Variants in ZAP70 observed in about 807,000 individuals in gnomAD.
ZAP70 encodes zeta chain of T cell receptor associated protein kinase 70.
In ZAP70, 27 loss-of-function variants were observed where a neutral mutation model predicts 65.8. That is an observed-to-expected ratio of 0.41 (90% CI 0.30 to 0.57). The LOEUF (loss-of-function observed/expected upper bound fraction) is 0.57. ZAP70 is among the 20% of genes least tolerant of loss of function. ZAP70 has a pLI of 0.28. For missense variants in ZAP70, 696 were observed against 870.5 expected (o/e 0.80, Z 2.52); for synonymous variants, 363 against 360.8 (o/e 1.01, Z -0.07).
chr2:97,756,215 A>C, the ZAP70 span: 2 of 152,242 alleles, frequency 1.3e-5, no homozygotes, highest in Non-Finnish European at 2.9e-5. Context: ...AGCAATGAGA[A>C]GGCAAACCCC....
chr2:97,732,804 T>G, intron 4 of ZAP70, 79 bp from the exon 5 acceptor site: 1 of 1,590,600 alleles, frequency 6.3e-7, no homozygotes, highest in Admixed American at 1.7e-5. Flanking sequence ...GCCCATAGGG[T>G]GTGTTGCGGG....
chr2:97,734,828 C>A, intron 9 of ZAP70, 116 bp downstream of exon 9: 2 of 1,408,242 alleles, frequency 1.4e-6, no homozygotes, highest in Non-Finnish European at 2.0e-6. Flanking sequence ...GCCTGGGAAA[C>A]AGACTCTGGG....
At chr2:97,730,656 C>A (rs1033520310) in intron 4 of ZAP70, among the ~76,000 whole-genome samples, 2 of 152,176 alleles carry the variant, frequency 1.3e-5, no homozygotes, top group African/African-American at 4.8e-5. Context: ...GAGGCCCCAC[C>A]TATTGATGGG....
the ZAP70 span, among the ~76,000 whole-genome samples, chr2:97,745,243 T>C: frequency 1.3e-5 from 2 of 152,234 alleles, no homozygotes; most frequent in African/African-American, 4.8e-5. Context: ...TTCACCATGT[T>C]GGCCAGGCTG....
intron 2 of ZAP70, among the ~76,000 whole-genome samples, chr2:97,714,608 G>C (rs551502974): frequency 1.7e-3 from 263 of 152,352 alleles, no homozygotes; most frequent in Non-Finnish European, 3.1e-3. Context: ...GTTGGCGAGA[G>C]GCTGGGAAAT....
chr2:97,747,916 A>C, the ZAP70 span, among the ~76,000 whole-genome samples: 1 of 134,830 alleles, frequency 7.4e-6, no homozygotes, highest in African/African-American at 2.9e-5. Flanking sequence ...GGCTGTGGGC[A>C]GGACATGTCT....
downstream of ZAP70, among the ~76,000 whole-genome samples, chr2:97,740,420 G>A (rs1482540697): frequency 6.6e-6 from 1 of 152,184 alleles, no homozygotes; most frequent in African/African-American, 2.4e-5. Context: ...TGGTTTGCAG[G>A]TAGTTCAGTT....
intron 2 of ZAP70, among the ~76,000 whole-genome samples, chr2:97,719,415 G>C (rs1318976268): frequency 6.6e-6 from 1 of 151,904 alleles, no homozygotes; most frequent in Non-Finnish European, 1.5e-5. Flanking sequence ...TGAAGGACCA[G>C]AGAGGTCTGT....
chr2:97,720,922 T>C (rs1677130243), intron 2 of ZAP70, among the ~76,000 whole-genome samples: 1 of 152,182 alleles, frequency 6.6e-6, no homozygotes, highest in African/African-American at 2.4e-5. Context: ...AGCCCATCTC[T>C]GGACACCCAG....
At position 97,714,415 on chromosome 2, in the gene ZAP70, C is replaced by A. The variant is rs1024132971; in HGVS notation, c.-22+421C>A. ...ATTCCTGTGAGGAGTCCAGGGCAGG[C>A]TTGAGCCACTTGTAGGCGAGCTCAG... On this transcript the variant is annotated intron_variant, in intron 2 of 13. Transcript: ENST00000264972. 6.6e-5 allele frequency among the ~76,000 whole-genome samples: 10 copies of A among 152,340 alleles called. 2 individuals are homozygous for A.
At chr2:97,733,892 T>G (rs904726660) in intron 8 of ZAP70, 4 of 533,716 alleles carry the variant, frequency 7.5e-6, no homozygotes, top group Non-Finnish European at 1.4e-5. Context: ...ACTGTGTGTA[T>G]GAGCCACCGA....
At chr2:97,717,378 G>GGAGCCTCT (rs1212602839) in intron 2 of ZAP70, among the ~76,000 whole-genome samples, 178 of 149,236 alleles carry the variant, frequency 1.2e-3, no homozygotes, top group African/African-American at 4.1e-3. Context: ...GGAGACATGC[G>GGAGCCTCT]GAGCCTCTGG....
At chr2:97,750,429 G>A in the ZAP70 span, among the ~76,000 whole-genome samples, 1 of 152,216 alleles carries the variant, frequency 6.6e-6, no homozygotes, top group Non-Finnish European at 1.5e-5. Context: ...GCTCAAGAGT[G>A]TCTAATGAAC....
At chr2:97,732,593 G>A (rs1386252198) in intron 4 of ZAP70, 4 of 515,864 alleles carry the variant, frequency 7.8e-6, no homozygotes, top group Admixed American at 3.2e-5. Flanking sequence ...GTGGCTGGGT[G>A]TCCACCGTGG....
intron 8 of ZAP70, chr2:97,734,242 C>A: frequency 4.9e-6 from 4 of 811,478 alleles, no homozygotes; most frequent in Non-Finnish European, 7.2e-6. Context: ...CACACACATG[C>A]ACACCCCAGC....
At chr2:97,745,671 G>A in the ZAP70 span, among the ~76,000 whole-genome samples, 2 of 152,232 alleles carry the variant, frequency 1.3e-5, no homozygotes, top group Non-Finnish European at 2.9e-5. Flanking sequence ...TACGGCTGCT[G>A]AGGGTGTGGC....
chr2:97,741,399 C>T (rs1231303743), downstream of ZAP70, among the ~76,000 whole-genome samples: 4 of 152,298 alleles, frequency 2.6e-5, no homozygotes, highest in Admixed American at 1.3e-4. Flanking sequence ...TCTCCCCGTC[C>T]CCACCGGTGA....
Position 97,729,619 on chromosome 2 carries a change from A to G in ZAP70, c.564-3264A>G, listed in dbSNP as rs1376520500. ...GACAGATGTAGCTCTTATAGGTTCT[A>G]TGTATTATTTTAAGAGCAGAGATAC... On this transcript the variant is annotated intron_variant, in intron 4 of 13. Coordinates refer to ENST00000264972, the MANE Select transcript of ZAP70 (RefSeq NM_001079.4). 2.0e-5 allele frequency among the ~76,000 whole-genome samples: 3 copies of G among 152,298 alleles called. No homozygotes were observed. In the East Asian group the frequency reaches 5.8e-4, roughly 29 times the overall value.
At chr2:97,716,316 T>TG (rs1676911843) in intron 2 of ZAP70, among the ~76,000 whole-genome samples, 1 of 152,158 alleles carries the variant, frequency 6.6e-6, no homozygotes, top group Admixed American at 6.5e-5. Context: ...TGCAGACCTT[T>TG]GTAGGTACCT....
Sources: gnomAD v4.1 joint callset for allele counts (sites outside exome capture counted in the v4.1 genomes callset) on GRCh38, gnomAD v4.1.1 for gene constraint, MANE v1.5 for transcripts, NCBI Gene and HGNC (gene_info 2026-07-23, HGNC 2026-07-21) for gene names.